The following LSM4 variants were observed in gnomAD, a reference collection of about 807,000 sequenced individuals.
LSM4 encodes U6 snRNA-associated Sm-like protein LSm4.
LSM4 carries 15 observed loss-of-function variants against 22.3 expected under a neutral mutation model. The observed-to-expected ratio is 0.67, with a 90% CI of 0.45 to 1.03. The LOEUF (loss-of-function observed/expected upper bound fraction) is 1.03. LSM4 is among the 50% of genes least tolerant of loss of function. The probability of loss-of-function intolerance (pLI) is 0.00; values close to 1 mark genes in which losing one functional copy is unlikely to be tolerated. For synonymous variants in LSM4, 90 were observed against 79.8 expected (o/e 1.13, Z -0.68); for missense variants, 127 against 198.0 (o/e 0.64, Z 2.15).
At position 18,310,252 on chromosome 19, in the gene LSM4, G is replaced by A. The variant is rs148071254; in HGVS notation, c.145-391C>T. 1,978 of 239,518 alleles carry A rather than the reference G, an allele frequency of 8.3e-3. 20 individuals carry two copies. The highest frequency in any genetic ancestry group is 0.026 in the South Asian group (390 of 14,770). The allele number at this position is 239,518 out of a possible 1,614,324, so 14.8% of individuals were successfully genotyped here. On this transcript the variant is annotated intron_variant, in intron 3 of 4. Coordinates refer to ENST00000593829, the MANE Select transcript of LSM4 (RefSeq NM_012321.5). ...GCCCAGAGCGGGTGGGGGCCTCCCT[G>A]TGCACCAGACACAGCCGAAGCCCAG...
At chr19:18,308,578 C>T (rs1183631124) in intron 4 of LSM4, among the ~76,000 whole-genome samples, 3 of 152,208 alleles carry the variant, frequency 2.0e-5, no homozygotes, top group African/African-American at 7.2e-5. Context: ...AGGCCCTCCA[C>T]AGAGCCCGCT....
intron 1 of LSM4, among the ~76,000 whole-genome samples, chr19:18,320,494 T>C (rs1970414024): frequency 1.3e-5 from 2 of 151,658 alleles, no homozygotes; most frequent in Non-Finnish European, 2.9e-5. Flanking sequence ...GAGTGAGATC[T>C]CAGCTCTGAA....
In LSM4 at chr19:18,309,734, C is replaced by G. The variant is rs1365529358; in HGVS notation, c.272G>C (p.Gly91Ala). The change falls in exon 4 of 5, where the codon GGA becomes GCA. Residue 91 changes from glycine to alanine, a missense_variant. Transcript: ENST00000593829. ...EEVVAKGRGR[G>A]GLQQQKQQKG... ...CTGCTGCTTCTGCTGCTGCAGGCCTCCGCGGCCGCGGCCCTTGGCCACCAC... is the reference window on the plus strand; with the variant it reads ...CTGCTGCTTCTGCTGCTGCAGGCCTGCGCGGCCGCGGCCCTTGGCCACCAC... 6.2e-7 allele frequency: 1 copy of G among 1,612,882 alleles called. No individual in the cohort carries two copies. The highest frequency in any genetic ancestry group is 8.5e-7 in the Non-Finnish European group (1 of 1,179,604).
chr19:18,312,828 C>A (rs2232967), intron 2 of LSM4, 126 bp from the exon 3 acceptor site: 2 of 688,412 alleles, frequency 2.9e-6, no homozygotes, highest in South Asian at 1.7e-5. Context: ...GTTCCCAGAC[C>A]CCTAAATGGC....
intron 1 of LSM4, among the ~76,000 whole-genome samples, chr19:18,319,774 CT>C (rs1425647254): frequency 6.6e-6 from 1 of 152,190 alleles, no homozygotes; most frequent in Non-Finnish European, 1.5e-5. Context: ...TGGCCAGGCC[CT>C]TTTAATGGCC....
At chr19:18,317,356 G>A (rs534883080) in intron 1 of LSM4, among the ~76,000 whole-genome samples, 1 of 142,938 alleles carries the variant, frequency 7.0e-6, no homozygotes, top group African/African-American at 2.6e-5. Flanking sequence ...TTTTTGAGAC[G>A]GAGTCTCGCT....
At chr19:18,318,808 C>T (rs920713013) in intron 1 of LSM4, among the ~76,000 whole-genome samples, 1 of 152,270 alleles carries the variant, frequency 6.6e-6, no homozygotes, top group African/African-American at 2.4e-5. Flanking sequence ...TGTAGACACA[C>T]CTTCCATGCC....
chr19:18,316,075 A>C lies in LSM4; in HGVS notation c.4-10T>G, dbSNP rs1970352373. The C allele has an allele frequency of 1.9e-6, 3 of 1,613,420 alleles. No homozygotes were observed. Among genetic ancestry groups the C allele is most frequent in the Non-Finnish European group, 8.5e-7 (1 of 1,179,640 alleles). On this transcript the variant is annotated splice_polypyrimidine_tract_variant and intron_variant, in intron 1 of 4. Transcript: ENST00000593829. ...GCAGTGACAAGGGAAGCTGAAAGGC[A>C]AATAAAGCCACATGATTTGTCTGTT...
At chr19:18,308,162 CAG>C (rs994004457) in intron 4 of LSM4, among the ~76,000 whole-genome samples, 4 of 152,286 alleles carry the variant, frequency 2.6e-5, no homozygotes, top group South Asian at 2.1e-4. Context: ...GGGGAGGTGA[CAG>C]GGGGTTCCCG....
At chr19:18,319,357 T>G (rs999096552) in intron 1 of LSM4, among the ~76,000 whole-genome samples, 5 of 151,734 alleles carry the variant, frequency 3.3e-5, no homozygotes, top group Admixed American at 2.0e-4. Flanking sequence ...AGGTCAGGAG[T>G]TCGAGACCAG....
intron 1 of LSM4, among the ~76,000 whole-genome samples, chr19:18,322,618 C>T (rs1970436759): frequency 6.6e-6 from 1 of 152,122 alleles, no homozygotes; most frequent in Admixed American, 6.6e-5. Flanking sequence ...AGACTGGCCC[C>T]CTACTTCCCA....
At chr19:18,310,463 G>T (rs569710395) in intron 3 of LSM4, among the ~76,000 whole-genome samples, 6 of 152,228 alleles carry the variant, frequency 3.9e-5, no homozygotes, top group African/African-American at 1.2e-4. Context: ...TCCTGCCAGG[G>T]TGGCTCAAGG....
At chr19:18,319,928 C>T (rs1970407065) in intron 1 of LSM4, among the ~76,000 whole-genome samples, 1 of 152,184 alleles carries the variant, frequency 6.6e-6, no homozygotes, top group East Asian at 1.9e-4. Context: ...AGGCCAGGCA[C>T]ATGAGAGGGA....
In LSM4 at chr19:18,307,357, T is replaced by A. The variant is rs879858477; in HGVS notation, c.*107A>T. Reference sequence around the variant, plus strand: ...GGAGGGTCACAAAACACGAAGGGGGTTCCCCCTGGCGCCTGCCTCTTCCTT... The same window carrying A: ...GGAGGGTCACAAAACACGAAGGGGGATCCCCCTGGCGCCTGCCTCTTCCTT... On this transcript the variant is annotated 3_prime_UTR_variant, in exon 5 of 5. Transcript: ENST00000593829. The A allele has an allele frequency of 3.6e-5, 31 of 872,968 alleles. No individual in the cohort carries two copies. The highest frequency in any genetic ancestry group is 4.5e-5 in the Non-Finnish European group (29 of 643,730). 54.1% of individuals were successfully genotyped at this position (872,968 alleles called of 1,614,324 possible).
At chr19:18,312,454 C>T in intron 3 of LSM4, 150 bp downstream of exon 3, 1 of 651,836 alleles carries the variant, frequency 1.5e-6, no homozygotes, top group Non-Finnish European at 2.7e-6. Flanking sequence ...CTAGCTCACC[C>T]TGCCCTGTCC....
intron 4 of LSM4, among the ~76,000 whole-genome samples, chr19:18,309,001 G>A (rs1258986677): frequency 6.6e-6 from 1 of 152,172 alleles, no homozygotes; most frequent in Non-Finnish European, 1.5e-5. Context: ...GCCAGGCCGG[G>A]GACCCCAGAG....
At position 18,309,753 on chromosome 19, in the gene LSM4, C is replaced by G. The variant is rs1291288423; in HGVS notation, c.253G>C (p.Ala85Pro). 6.2e-7 allele frequency: 1 copy of G among 1,613,526 alleles called. No individual in the cohort carries two copies. The highest frequency in any genetic ancestry group is 8.5e-7 in the Non-Finnish European group (1 of 1,179,836). Residue 85 changes from alanine to proline, a missense_variant, in exon 4 of 5, where the codon GCC becomes CCC. Physicochemically the swap from Ala to Pro is conservative, Grantham distance 27. Coordinates refer to ENST00000593829, the MANE Select transcript of LSM4 (RefSeq NM_012321.5). The stretch of plus-strand genomic sequence containing the variant: ...AGGCCTCCGCGGCCGCGGCCCTTGG[C>G]CACCACCTCCTCCTTGACCATGTCG... ...IIDMVKEEVV[A>P]KGRGRGGLQQ...
intron 4 of LSM4, 51 bp downstream of exon 4, chr19:18,309,627 G>C: frequency 6.6e-7 from 1 of 1,521,440 alleles, no homozygotes; most frequent in South Asian, 1.3e-5. Context: ...GGGATGCCAC[G>C]TGTGGCTGTC....
chr19:18,313,200 G>A (rs140985632), intron 2 of LSM4, among the ~76,000 whole-genome samples: 6 of 152,272 alleles, frequency 3.9e-5, no homozygotes, highest in Admixed American at 2.6e-4. Flanking sequence ...AGCTGAGATC[G>A]CACCACTGCA....
Sources: allele counts gnomAD v4.1 joint callset (sites outside exome capture counted in the v4.1 genomes callset), GRCh38; gene constraint gnomAD v4.1.1; transcripts MANE v1.5; gene names NCBI Gene and HGNC (gene_info 2026-07-23, HGNC 2026-07-21).